F7: variants seen among roughly 807,000 people sequenced by gnomAD.
The protein encoded by F7 is FVII coagulation protein.
A neutral mutation model predicts 47.5 loss-of-function variants in F7; 38 were observed. The ratio of observed to expected loss-of-function variants is 0.80; its 90% confidence interval spans 0.62 to 1.05. F7 has a LOEUF of 1.05. Ranked by LOEUF, F7 falls within the 50% of genes least tolerant of loss-of-function variation. F7 has a pLI of 0.00. For missense variants in F7, 575 were observed against 605.4 expected (o/e 0.95, Z 0.53); for synonymous variants, 244 against 258.5 (o/e 0.94, Z 0.54).
intron 2 of F7, among the ~76,000 whole-genome samples, chr13:113,112,441 C>G (rs2036119361): frequency 6.7e-6 from 1 of 148,314 alleles, no homozygotes; most frequent in African/African-American, 2.5e-5. Context: ...ACTCACAGAT[C>G]ACTTCATTCT....
rs1051883233 is a variant in F7, at chr13:113,105,796, CATGGGGA to C, written c.-42_-36del. 11 of 1,560,712 alleles carry C rather than the reference CATGGGGA, an allele frequency of 7.0e-6. No individual in the cohort carries two copies. The highest frequency in any genetic ancestry group is 1.9e-5 in the Admixed American group (1 of 52,068). On this transcript the variant is annotated 5_prime_UTR_variant, in exon 1 of 8. An upstream start codon of the reference 5' UTR is lost. Transcript: ENST00000346342. ...GGCAGAGAACTTTGCCCGTCAGTCC[CATGGGGA>C]ATGTCAACAGGCAGGGGCAGCACTG...
At position 113,110,778 on chromosome 13, in the gene F7, G is replaced by A. The variant is rs1279150756; in HGVS notation, c.153G>A (p.Leu51=). ...TGGAGGAGCTGCGGCCGGGCTCCCT[G>A]GAGAGGGAGTGCAAGGAGGAGCAGT... ...AFLEELRPGS[L]ERECKEEQCS... is the part of the protein sequence containing the mutation. Residue 51 remains leucine, a synonymous_variant, in exon 2 of 8, where the codon CTG becomes CTA. Transcript: ENST00000346342. 1.9e-6 allele frequency: 3 copies of A among 1,551,340 alleles called. No homozygotes were observed. The highest frequency in any genetic ancestry group is 1.4e-5 in the African/African-American group (1 of 73,162).
intron 5 of F7, 116 bp from the exon 6 acceptor site, chr13:113,116,650 G>A (rs1200672138): frequency 1.2e-5 from 10 of 839,836 alleles, no homozygotes; most frequent in East Asian, 7.6e-5. Context: ...GCTCCTGGGG[G>A]CCTCCCATAG....
intron 2 of F7, among the ~76,000 whole-genome samples, chr13:113,112,374 TCA>T (rs1303680140): frequency 1.4e-5 from 2 of 144,128 alleles, no homozygotes; most frequent in African/African-American, 5.3e-5. Context: ...ACAGGACACC[TCA>T]CACAGGGCAC....
chr13:113,109,934 A>G (rs2036056645), intron 1 of F7, among the ~76,000 whole-genome samples: 1 of 152,154 alleles, frequency 6.6e-6, no homozygotes, highest in Admixed American at 6.5e-5. Flanking sequence ...TCTGGCCCTC[A>G]CCAGCCCCGT....
chr13:113,118,888 C>A lies in F7; in HGVS notation c.1215C>A (p.Gly405=). 1 of 1,612,620 alleles carries A rather than the reference C, an allele frequency of 6.2e-7. No individual in the cohort carries two copies. The highest frequency in any genetic ancestry group is 8.5e-7 in the Non-Finnish European group (1 of 1,179,862). ...CGGGCATCGTCAGCTGGGGCCAGGGCTGCGCAACCGTGGGCCACTTTGGGG... is the reference window on the plus strand; with the variant it reads ...CGGGCATCGTCAGCTGGGGCCAGGGATGCGCAACCGTGGGCCACTTTGGGG... ...YLTGIVSWGQ[G]CATVGHFGVY... The change falls in exon 8 of 8, where the codon GGC becomes GGA. Residue 405 remains glycine (G), a synonymous_variant. Transcript: ENST00000346342.
chr13:113,110,868 G>T lies in F7; in HGVS notation c.225+18G>T. 1 of 1,551,690 alleles carries T rather than the reference G, an allele frequency of 6.4e-7. No individual in the cohort carries two copies. The highest frequency in any genetic ancestry group is 8.7e-7 in the Non-Finnish European group (1 of 1,148,486). ...AGAGGACGGTGAGCCCAGCCTCGGG[G>T]CGCCCCGCGCCGCGGACACTGCAGG... On this transcript the variant is annotated intron_variant, in intron 2 of 7. Transcript: ENST00000346342.
chr13:113,116,755 G>C lies in F7; in HGVS notation c.506-11G>C, dbSNP rs1253056220. On this transcript the variant is annotated splice_polypyrimidine_tract_variant and intron_variant, in intron 5 of 7. Coordinates refer to ENST00000346342, the MANE Select transcript of F7 (RefSeq NM_019616.4). Reference sequence around the variant, plus strand: ...AAATCTCTGCATCTTTCTGACTTTTGTTTTACACAGTTGAATATCCATGTG... The same window carrying C: ...AAATCTCTGCATCTTTCTGACTTTTCTTTTACACAGTTGAATATCCATGTG... 4 of 1,588,404 alleles carry C rather than the reference G, an allele frequency of 2.5e-6. No individual in the cohort carries two copies. The Admixed American group carries it at 6.7e-5, about 26-fold the overall frequency.
rs868145300 is a variant in F7 at position 113,113,206 on chromosome 13, A to G, written c.226-546A>G. Among the ~76,000 whole-genome samples, 15 of 152,236 alleles carry G rather than the reference A, an allele frequency of 9.9e-5. No individual in the cohort carries two copies. Among genetic ancestry groups the G allele is most frequent in the African/African-American group, 3.4e-4 (14 of 41,464 alleles). ...GTCCAGCTGTCTGAGGCAAAGGCTA[A>G]CATGACCCTTTCCAGACAAATTGAG... On this transcript the variant is annotated intron_variant, in intron 2 of 7. Coordinates refer to ENST00000346342, the MANE Select transcript of F7 (RefSeq NM_019616.4). The surrounding 1 kb of genome is among the most constrained non-coding windows in gnomAD (Gnocchi z 4.1).
In F7 at chr13:113,110,252, C is replaced by T. The variant is rs552937876; in HGVS notation, c.65-438C>T. 2.3e-5 allele frequency: 4 copies of T among 172,000 alleles called. No homozygotes were observed. The South Asian group carries it at 4.3e-4, about 19-fold the overall frequency. 10.7% of individuals were successfully genotyped at this position (172,000 alleles called of 1,614,324 possible). A position where few individuals can be genotyped will look rare whatever the true frequency, so the allele number is the denominator to read the frequency against. Reference sequence around the variant, plus strand: ...AAGGCGGATCTGGCCGCCGGAGACGCGGTGCGGGTGGAGACGAGGGATTTG... The same window carrying T: ...AAGGCGGATCTGGCCGCCGGAGACGTGGTGCGGGTGGAGACGAGGGATTTG... On this transcript the variant is annotated intron_variant, in intron 1 of 7. Coordinates refer to ENST00000346342, the MANE Select transcript of F7 (RefSeq NM_019616.4).
Position 113,120,511 on chromosome 13 carries a change from C to T in F7, c.*1503C>T, listed in dbSNP as rs551279029. 77 of 156,256 alleles carry T rather than the reference C, an allele frequency of 4.9e-4. No homozygotes were observed. In the South Asian group the frequency reaches 0.012, roughly 23 times the overall value. The allele number at this position is 156,256 out of a possible 1,614,324, so 9.7% of individuals were successfully genotyped here. On this transcript the variant is annotated 3_prime_UTR_variant, in exon 8 of 8. Coordinates refer to ENST00000346342, the MANE Select transcript of F7 (RefSeq NM_019616.4). ...CCGTCCTGGGCACCACTGGCACTCA[C>T]AGCAGCAAGGTGGGCACCATTGGCA...
At position 113,117,462 on chromosome 13, in the gene F7, C is replaced by A. The variant is rs750680622; in HGVS notation, c.616-11C>A. 157 of 1,613,656 alleles carry A rather than the reference C, an allele frequency of 9.7e-5. 1 individual carries two copies. In the South Asian group the frequency reaches 1.3e-3, roughly 14 times the overall value. ...CAATGTGACTTCCACACCTCCTGTC[C>A]CCCCGCCCAGGTCCTGTTGTTGGTG... On this transcript the variant is annotated splice_polypyrimidine_tract_variant and intron_variant, in intron 6 of 7. Transcript: ENST00000346342.
rs763458490 is a variant in F7, at chr13:113,115,698, G to A, written c.403G>A (p.Gly135Ser). 2.6e-5 allele frequency: 42 copies of A among 1,612,914 alleles called. No homozygotes were observed. Among genetic ancestry groups the A allele is most frequent in the Middle Eastern group, 1.6e-4 (1 of 6,084 alleles). Residue 135 changes from glycine (G) to serine (S), a missense_variant, in exon 5 of 8, where the codon GGC becomes AGC. By Grantham distance (56) the Gly-to-Ser change is moderately conservative. Transcript: ENST00000346342. ...DQLICVNENG[G>S]CEQYCSDHTG... is the part of the protein sequence containing the mutation. ...GCTGATCTGTGTGAACGAGAACGGC[G>A]GCTGTGAGCAGTACTGCAGTGACCA...
Position 113,113,824 on chromosome 13 carries a change from A to C in F7, c.251-23A>C. 6.2e-7 allele frequency: 1 copy of C among 1,614,188 alleles called. No homozygotes were observed. The highest frequency in any genetic ancestry group is 8.5e-7 in the Non-Finnish European group (1 of 1,180,034). ...TCCTGCCTGCAACCCTTCTCAGCTT[A>C]CTGACACCAGCCCACTCCACAGATG... is the stretch of plus-strand genomic sequence containing the variant. On this transcript the variant is annotated intron_variant, in intron 3 of 7. Coordinates refer to ENST00000346342, the MANE Select transcript of F7 (RefSeq NM_019616.4). The surrounding 1 kb of genome is among the most constrained non-coding windows in gnomAD (Gnocchi z 4.1).
rs372307787 is a variant in F7, at chr13:113,115,696, G to A, written c.401G>A (p.Gly134Asp). ...CAGCTGATCTGTGTGAACGAGAACG[G>A]CGGCTGTGAGCAGTACTGCAGTGAC... The part of the protein sequence containing the change: ...DDQLICVNEN[G>D]GCEQYCSDHT... Residue 134 changes from glycine to aspartate, a missense_variant, in exon 5 of 8, where the codon GGC (glycine) becomes GAC (aspartate). Transcript: ENST00000346342. 6 of 1,613,006 alleles carry A rather than the reference G, an allele frequency of 3.7e-6. No individual in the cohort carries two copies. Among genetic ancestry groups the A allele is most frequent in the Non-Finnish European group, 5.1e-6 (6 of 1,179,982 alleles).
chr13:113,114,279 C>T (rs561341070), intron 4 of F7, among the ~76,000 whole-genome samples: 2 of 152,254 alleles, frequency 1.3e-5, no homozygotes, highest in South Asian at 2.1e-4. Context: ...CACGCAGGAC[C>T]GCTTGGTAAA....
chr13:113,118,274 G>C (rs968505329), intron 7 of F7, 139 bp from the exon 8 acceptor site: 14 of 953,658 alleles, frequency 1.5e-5, no homozygotes, highest in Non-Finnish European at 2.2e-5. Context: ...CCCCACCTTG[G>C]GGTTAGATGC....
chr13:113,114,764 C>G (rs1215568613), intron 4 of F7: 1 of 153,230 alleles, frequency 6.5e-6, no homozygotes. Flanking sequence ...GCTAGACCAT[C>G]CAGCATGGCT....
intron 2 of F7, among the ~76,000 whole-genome samples, chr13:113,112,026 ACT>A (rs2036108434): frequency 7.4e-6 from 1 of 135,554 alleles, no homozygotes; most frequent in South Asian, 2.5e-4. Context: ...TTCACCTCAC[ACT>A]CACAGGACAC....
Sources: allele counts gnomAD v4.1 joint callset (sites outside exome capture counted in the v4.1 genomes callset), GRCh38; gene constraint gnomAD v4.1.1; non-coding constraint Gnocchi (gnomAD v3.1); transcripts MANE v1.5; gene names NCBI Gene and HGNC (gene_info 2026-07-23, HGNC 2026-07-21).